BICC1: variants seen among roughly 807,000 people sequenced by gnomAD.
BICC1 encodes protein bicaudal C homolog 1.
A neutral mutation model predicts 111.0 loss-of-function variants in BICC1; 43 were observed. The ratio of observed to expected loss-of-function variants is 0.39; its 90% CI spans 0.30 to 0.50. BICC1 has a LOEUF of 0.50. Among genes scored for constraint, BICC1 ranks in the 20% least tolerant of loss-of-function variants. The pLI, the probability that BICC1 is intolerant of heterozygous loss-of-function variation, is 0.88. For synonymous variants in BICC1, 467 were observed against 434.4 expected (o/e 1.07, Z -0.93); for missense variants, 1,091 against 1,203.2 (o/e 0.91, Z 1.38).
At position 58,817,562 on chromosome 10, in the gene BICC1, C is replaced by T. The variant is rs148373453; in HGVS notation, c.2534C>T (p.Thr845Met). Residue 845 changes from threonine (T) to methionine (M), a missense_variant and splice_region_variant, in exon 19 of 21, where the codon ACG becomes ATG. This residue lies in a region of BICC1 where 231 missense variants were observed against 256.2 expected (regional missense o/e 0.90). Coordinates refer to ENST00000373886, the MANE Select transcript of BICC1 (RefSeq NM_001080512.3). Reference protein sequence around the residue: ...GSPKRKQNKSTEHYLSSSNYM... With the variant: ...GSPKRKQNKSMEHYLSSSNYM... ...AGCCTGTCTCTCCTTTGCCTTTCAG[C>T]GGAACACTATCTCAGCAGTAGCAAT... The T allele has an allele frequency of 8.4e-5, 136 of 1,613,334 alleles. No individual in the cohort carries two copies. The African/African-American group carries it at 1.2e-3, about 15-fold the overall frequency.
chr10:58,769,825 C>G (rs1320081432), intron 3 of BICC1, among the ~76,000 whole-genome samples: 2 of 151,930 alleles, frequency 1.3e-5, no homozygotes, highest in African/African-American at 4.8e-5. Context: ...GAGGGGAACT[C>G]AAAATATCCA....
chr10:58,610,673 A>G (rs765179163), intron 1 of BICC1, among the ~76,000 whole-genome samples: 3 of 147,420 alleles, frequency 2.0e-5, no homozygotes, highest in Non-Finnish European at 3.0e-5. Flanking sequence ...TTTCTGTTTT[A>G]TTTCGTGTTT....
intron 1 of BICC1, among the ~76,000 whole-genome samples, chr10:58,596,810 C>T (rs552313265): frequency 6.6e-6 from 1 of 152,248 alleles, no homozygotes; most frequent in East Asian, 1.9e-4. Flanking sequence ...ACAATTGCTA[C>T]TAAGAGAGTA....
intron 3 of BICC1, chr10:58,715,611 A>AG (rs1840715715): frequency 6.2e-7 from 1 of 1,605,340 alleles, no homozygotes; most frequent in African/African-American, 1.3e-5. Context: ...GGCGAGATCA[A>AG]GGGGTCCAAT....
rs1371770660 is a variant in BICC1 at position 58,829,221 on chromosome 10, T to TTTTTTTTTTTA, written c.*331_*332insTTTTTTTTTAT. The TTTTTTTTTTTA allele has an allele frequency of 1.3e-5, 2 of 153,318 alleles. No individual in the cohort carries two copies. Among genetic ancestry groups the TTTTTTTTTTTA allele is most frequent in the African/African-American group, 5.2e-5 (2 of 38,182 alleles). The allele number at this position is 153,318 out of a possible 1,614,324, so 9.5% of individuals were successfully genotyped here. ...TTTTTTTTTTTTTTTTTTTTTTTTT[T>TTTTTTTTTTTA]TACTTAAAATGAAGGATGAATTGAC... On this transcript the variant is annotated 3_prime_UTR_variant, in exon 21 of 21. Coordinates refer to ENST00000373886, the MANE Select transcript of BICC1 (RefSeq NM_001080512.3).
chr10:58,526,179 C>G (rs1842537154), intron 1 of BICC1, among the ~76,000 whole-genome samples: 1 of 151,548 alleles, frequency 6.6e-6, no homozygotes, highest in Admixed American at 6.6e-5. Context: ...ATACAGATGC[C>G]CATTGGGATC....
At chr10:58,547,184 T>C (rs796195202) in intron 1 of BICC1, among the ~76,000 whole-genome samples, 1 of 152,172 alleles carries the variant, frequency 6.6e-6, no homozygotes, top group South Asian at 2.1e-4. Flanking sequence ...ATTTCCTTAG[T>C]GTTTACCTGC....
intron 1 of BICC1, among the ~76,000 whole-genome samples, chr10:58,579,881 A>T (rs984123363): frequency 3.6e-4 from 1 of 2,806 alleles, no homozygotes. Flanking sequence ...CATTTTTTCC[A>T]TAATAGAATA....
In BICC1 at chr10:58,525,361, C is replaced by A. The variant is rs1195773786; in HGVS notation, c.190+12028C>A. On this transcript the variant is annotated intron_variant, in intron 1 of 20. Coordinates refer to ENST00000373886, the MANE Select transcript of BICC1 (RefSeq NM_001080512.3). ...GAATTAAGAAAATGTGGCACATATA[C>A]ACCATGGAATACTATGCAGCCATAA... is the stretch of plus-strand genomic sequence containing the variant. 7.1e-5 allele frequency among the ~76,000 whole-genome samples: 8 copies of A among 112,334 alleles called. 4 individuals are homozygous for A. Among genetic ancestry groups the A allele is most frequent in the Non-Finnish European group, 1.7e-4 (8 of 48,484 alleles). The allele number at this position is 112,334 out of a possible 152,430, so 73.7% of individuals were successfully genotyped here. A position where few individuals can be genotyped will look rare whatever the true frequency, so the allele number is the denominator to read the frequency against.
At position 58,800,288 on chromosome 10, in the gene BICC1, G is replaced by C. The variant is rs754161038; in HGVS notation, c.1820G>C (p.Gly607Ala). Residue 607 changes from glycine to alanine, a missense_variant, in exon 13 of 21, where the codon GGG (glycine) becomes GCG (alanine). Transcript: ENST00000373886. ...GGGGATCCGTCCATCCAGACAAGTG[G>C]GTCTGAGCAGACATCTCCCAAATCA... ...NHGDPSIQTSGSEQTSPKSSP... is the reference protein window; with the variant it reads ...NHGDPSIQTSASEQTSPKSSP... The C allele has an allele frequency of 6.2e-7, 1 of 1,613,534 alleles. No individual in the cohort carries two copies. The highest frequency in any genetic ancestry group is 1.3e-5 in the African/African-American group (1 of 74,908).
intron 2 of BICC1, among the ~76,000 whole-genome samples, chr10:58,635,772 C>T (rs753158097): frequency 1.3e-5 from 2 of 152,178 alleles, no homozygotes; most frequent in Non-Finnish European, 2.9e-5. Context: ...TATCCCCAAG[C>T]CCTGATCGTT....
At chr10:58,788,919 G>A (rs1196265677) in intron 6 of BICC1, among the ~76,000 whole-genome samples, 1 of 152,050 alleles carries the variant, frequency 6.6e-6, no homozygotes, top group East Asian at 1.9e-4. Flanking sequence ...GACCCTGTCT[G>A]TCTCTACAAA....
chr10:58,622,459 T>C (rs1845849369), intron 2 of BICC1, among the ~76,000 whole-genome samples: 1 of 152,210 alleles, frequency 6.6e-6, no homozygotes, highest in African/African-American at 2.4e-5. Flanking sequence ...ATTCCAGCAG[T>C]TTAAATGGAA....
intron 2 of BICC1, among the ~76,000 whole-genome samples, chr10:58,685,961 A>T (rs1445431561): frequency 6.6e-6 from 1 of 152,144 alleles, no homozygotes; most frequent in Non-Finnish European, 1.5e-5. Context: ...TCCTAGCATC[A>T]ATGGTCTTTA....
chr10:58,653,759 C>T (rs1485354613), intron 2 of BICC1, among the ~76,000 whole-genome samples: 3 of 150,574 alleles, frequency 2.0e-5, no homozygotes, highest in Non-Finnish European at 3.0e-5. Flanking sequence ...TATACATGTG[C>T]CATGCTGGTG....
chr10:58,592,371 A>G (rs1844648001), intron 1 of BICC1, among the ~76,000 whole-genome samples: 1 of 152,154 alleles, frequency 6.6e-6, no homozygotes, highest in Non-Finnish European at 1.5e-5. Context: ...ATAGTCTGCT[A>G]TGACATTGTT....
chr10:58,727,197 T>C (rs1589068677), intron 3 of BICC1, among the ~76,000 whole-genome samples: 1 of 152,116 alleles, frequency 6.6e-6, no homozygotes, highest in East Asian at 1.9e-4. Flanking sequence ...AAATAATATA[T>C]ATATGATTTA....
chr10:58,568,778 A>G (rs2088828330), intron 1 of BICC1, among the ~76,000 whole-genome samples: 2 of 151,952 alleles, frequency 1.3e-5, no homozygotes, highest in Admixed American at 6.6e-5. Flanking sequence ...CCCTCAACTC[A>G]GTGGGTTATT....
At chr10:58,574,470 G>A (rs1844050680) in intron 1 of BICC1, among the ~76,000 whole-genome samples, 1 of 151,680 alleles carries the variant, frequency 6.6e-6, no homozygotes, top group African/African-American at 2.4e-5. Context: ...AAATATACAT[G>A]TATTGATATG....
Sources: gnomAD v4.1 joint callset for allele counts (sites outside exome capture counted in the v4.1 genomes callset) on GRCh38, gnomAD v4.1.1 for gene constraint, gnomAD v4.1.1 regional missense constraint, MANE v1.5 for transcripts, NCBI Gene and HGNC (gene_info 2026-07-23, HGNC 2026-07-21) for gene names.